GPC3: variants seen among roughly 807,000 people sequenced by gnomAD.
The protein encoded by GPC3 is glypican 3.
In GPC3, 3 loss-of-function variants were observed where a neutral mutation model predicts 34.4. The observed-to-expected ratio is 0.09, with a 90% CI of 0.04 to 0.23. The LOEUF (loss-of-function observed/expected upper bound fraction) is 0.23. Among genes scored for constraint, GPC3 ranks in the 10% least tolerant of loss-of-function variants. GPC3 has a pLI of 1.00. For synonymous variants in GPC3, 177 were observed against 174.0 expected, an observed-to-expected ratio of 1.02 and a Z score of -0.13; for missense variants, 351 against 445.6, an observed-to-expected ratio of 0.79 and a Z score of 1.91.
At chrX:133,650,086 C>A (rs1023264898) in intron 6 of GPC3, among the ~76,000 whole-genome samples, 1 of 112,007 alleles carries the variant, frequency 8.9e-6, no homozygotes, top group Non-Finnish European at 1.9e-5. Context: ...CACACACTCA[C>A]AAACATATTA....
chrX:133,938,381 A>C (rs1380978206), intron 2 of GPC3, among the ~76,000 whole-genome samples: 3 of 111,433 alleles, frequency 2.7e-5, no homozygotes, highest in Non-Finnish European at 5.7e-5. Flanking sequence ...ACTGCCTTTT[A>C]TTATTTTTCC....
intron 2 of GPC3, among the ~76,000 whole-genome samples, chrX:133,952,357 G>A (rs1175022456): frequency 9.9e-5 from 11 of 111,547 alleles, no homozygotes; most frequent in African/African-American, 3.6e-4. Context: ...CTAGCACATG[G>A]TGCCATATAA....
intron 2 of GPC3, among the ~76,000 whole-genome samples, chrX:133,868,168 G>A (rs1278270723): frequency 8.9e-6 from 1 of 111,788 alleles, no homozygotes; most frequent in East Asian, 2.8e-4. Flanking sequence ...TGGATGGCAA[G>A]GTTAAAAGAA....
intron 5 of GPC3, among the ~76,000 whole-genome samples, chrX:133,680,933 A>G (rs2070935930): frequency 9.0e-6 from 1 of 111,681 alleles, no homozygotes; most frequent in East Asian, 2.8e-4. Context: ...CACCATTTGA[A>G]CCAACCATGA....
chrX:133,718,351 T>G (rs1227217582), intron 3 of GPC3, among the ~76,000 whole-genome samples: 2 of 111,554 alleles, frequency 1.8e-5, no homozygotes, highest in East Asian at 2.8e-4. Context: ...TAAAATCAAG[T>G]TGGTATTAAT....
intron 2 of GPC3, among the ~76,000 whole-genome samples, chrX:133,811,059 G>A (rs2075662786): frequency 9.0e-6 from 1 of 111,164 alleles, no homozygotes; most frequent in Non-Finnish European, 1.9e-5. Context: ...CCTGCTACAG[G>A]CTTGGTTTAT....
chrX:133,871,709 GT>G (rs2075994741), intron 2 of GPC3, among the ~76,000 whole-genome samples: 1 of 112,018 alleles, frequency 8.9e-6, no homozygotes, highest in African/African-American at 3.2e-5. Context: ...TATAGTGGAA[GT>G]TCATCATCCT....
At chrX:133,938,708 C>T (rs2076332572) in intron 2 of GPC3, among the ~76,000 whole-genome samples, 1 of 112,132 alleles carries the variant, frequency 8.9e-6, no homozygotes, top group Non-Finnish European at 1.9e-5. Flanking sequence ...TACCTTCTGC[C>T]TTGAGTTCAC....
At chrX:133,926,215 G>T (rs909786184) in intron 2 of GPC3, among the ~76,000 whole-genome samples, 1 of 112,054 alleles carries the variant, frequency 8.9e-6, no homozygotes, top group Admixed American at 9.5e-5. Context: ...CTCATGAAAA[G>T]AAATGTTCTG....
At chrX:133,947,877 G>A (rs949558328) in intron 2 of GPC3, among the ~76,000 whole-genome samples, 32 of 111,852 alleles carry the variant, frequency 2.9e-4, no homozygotes, top group African/African-American at 9.7e-4. Context: ...TAATGCTATT[G>A]TATTTAGCCT....
chrX:133,851,470 T>C (rs2075873487), intron 2 of GPC3, among the ~76,000 whole-genome samples: 2 of 112,041 alleles, frequency 1.8e-5, no homozygotes, highest in Non-Finnish European at 3.8e-5. Flanking sequence ...ATACTTGTTA[T>C]AGTGCAGATT....
chrX:133,813,518 A>G (rs2075675167), intron 2 of GPC3, among the ~76,000 whole-genome samples: 1 of 112,389 alleles, frequency 8.9e-6, no homozygotes, highest in South Asian at 3.7e-4. Context: ...AAGGATAGGT[A>G]AAGTTAGGAA....
At chrX:133,645,125 G>C (rs186993422) in intron 6 of GPC3, among the ~76,000 whole-genome samples, 2 of 111,504 alleles carry the variant, frequency 1.8e-5, no homozygotes, top group African/African-American at 3.3e-5. Flanking sequence ...TTAAGAATTA[G>C]GCAGCTTTAG....
At chrX:133,943,912 T>C (rs994639978) in intron 2 of GPC3, among the ~76,000 whole-genome samples, 1 of 111,902 alleles carries the variant, frequency 8.9e-6, no homozygotes, top group Non-Finnish European at 1.9e-5. Context: ...AACCCCATTA[T>C]CCAGACTTTT....
At chrX:133,540,955 T>TGTGTGTGTGC (rs1422253850) in intron 7 of GPC3, among the ~76,000 whole-genome samples, 1 of 97,896 alleles carries the variant, frequency 1.0e-5, no homozygotes, top group African/African-American at 3.8e-5. Context: ...TGTGTGTGTG[T>TGTGTGTGTGC]GCGCGCACTG....
rs182532549 is a variant in GPC3, at chrX:133,855,521, C to G, written c.337+97529G>C. 3.9e-4 allele frequency among the ~76,000 whole-genome samples: 28 copies of G among 72,336 alleles called. 1 individual carries two copies. The highest frequency in any genetic ancestry group is 1.9e-3 in the African/African-American group (27 of 14,195). The allele number at this position is 72,336 out of a possible 115,157, so 62.8% of individuals were successfully genotyped here. On this transcript the variant is annotated intron_variant, in intron 2 of 7. Transcript: ENST00000370818. ...GTGTACATGTAAGTTATACAATATG[C>G]TGTTACAAGATATATATATATATAT...
At chrX:133,811,398 C>A (rs780109522) in intron 2 of GPC3, among the ~76,000 whole-genome samples, 4 of 111,523 alleles carry the variant, frequency 3.6e-5, no homozygotes, top group African/African-American at 1.3e-4. Flanking sequence ...TAAGGACTGT[C>A]CCAACTGAAA....
At chrX:133,891,666 G>A (rs1055303939) in intron 2 of GPC3, among the ~76,000 whole-genome samples, 2 of 107,285 alleles carry the variant, frequency 1.9e-5, no homozygotes, top group African/African-American at 6.8e-5. Flanking sequence ...AGGCACAGTC[G>A]TGCATGCCTG....
intron 3 of GPC3, among the ~76,000 whole-genome samples, chrX:133,712,725 C>CAAAAAA (rs780184204): frequency 0.041 from 4,259 of 103,062 alleles, 284 homozygotes; most frequent in African/African-American, 0.14. Flanking sequence ...ACTAAAAATA[C>CAAAAAA]AAAAAAAAAA....
Sources: gnomAD v4.1 joint callset for allele counts (sites outside exome capture counted in the v4.1 genomes callset) on GRCh38, gnomAD v4.1.1 for gene constraint, MANE v1.5 for transcripts, NCBI Gene and HGNC (gene_info 2026-07-23, HGNC 2026-07-21) for gene names.